The following STK32B variants were observed in gnomAD, a reference collection of about 807,000 sequenced individuals.
The protein encoded by STK32B is serine/threonine-protein kinase 32B.
In STK32B, 43 loss-of-function variants were observed where a neutral mutation model predicts 52.6. The ratio of observed to expected loss-of-function variants is 0.82; its 90% CI spans 0.64 to 1.05. The LOEUF (loss-of-function observed/expected upper bound fraction) is 1.05, where lower values mean the gene tolerates loss of function less well. Ranked by LOEUF, STK32B falls within the 50% of genes least tolerant of loss-of-function variation. The pLI is 0.00. For missense variants in STK32B, 621 were observed against 534.6 expected, an observed-to-expected ratio of 1.16 and a Z score of -1.59; for synonymous variants, 238 against 204.3, an observed-to-expected ratio of 1.17 and a Z score of -1.41.
intron 3 of STK32B, among the ~76,000 whole-genome samples, chr4:5,205,771 G>A (rs1174208324): frequency 1.3e-5 from 2 of 151,812 alleles, no homozygotes; most frequent in Non-Finnish European, 1.5e-5. Flanking sequence ...CTGGGATTGG[G>A]CAATGCCCAT....
intron 1 of STK32B, among the ~76,000 whole-genome samples, chr4:5,068,300 G>A (rs1438950426): frequency 6.6e-6 from 1 of 152,084 alleles, no homozygotes; most frequent in Non-Finnish European, 1.5e-5. Flanking sequence ...CCCCGTCTGA[G>A]TCTCATGTTC....
chr4:5,497,216 C>G (rs756722492), intron 11 of STK32B, among the ~76,000 whole-genome samples: 1 of 152,222 alleles, frequency 6.6e-6, no homozygotes, highest in Admixed American at 6.5e-5. Flanking sequence ...AATATGTTGG[C>G]ATGCCTTTGA....
At chr4:5,185,011 C>T (rs984218872) in intron 3 of STK32B, among the ~76,000 whole-genome samples, 1 of 152,208 alleles carries the variant, frequency 6.6e-6, no homozygotes, top group South Asian at 2.1e-4. Context: ...TCCCTGTTTC[C>T]GTGTGACTAC....
At chr4:5,455,064 C>T (rs1716374805) in intron 7 of STK32B, among the ~76,000 whole-genome samples, 1 of 152,130 alleles carries the variant, frequency 6.6e-6, no homozygotes, top group Non-Finnish European at 1.5e-5. Flanking sequence ...GAAGGTGCCA[C>T]TCAGGAAAAA....
chr4:5,267,246 A>T (rs981700545), intron 3 of STK32B, among the ~76,000 whole-genome samples: 1 of 152,214 alleles, frequency 6.6e-6, no homozygotes. Context: ...TGTCCATTAT[A>T]GCTGAGTCAG....
chr4:5,240,045 A>G (rs1404359857), intron 3 of STK32B, among the ~76,000 whole-genome samples: 1 of 122,610 alleles, frequency 8.2e-6, no homozygotes, highest in Non-Finnish European at 1.6e-5. Context: ...TCCCCCCTTC[A>G]TTTCTCTTCT....
chr4:5,083,716 A>G (rs1712559124), intron 1 of STK32B, among the ~76,000 whole-genome samples: 1 of 151,738 alleles, frequency 6.6e-6, no homozygotes, highest in South Asian at 2.1e-4. Context: ...GCTTCCTTAG[A>G]TATAGACTGC....
rs538614300 is a variant in STK32B, at chr4:5,446,789, C to T, written c.666+13C>T. ...GCTGCGGGGCTGGGTAAGACAGGCA[C>T]CTGTGCGGTACACACGAGGGGCTGT... On this transcript the variant is annotated intron_variant, in intron 7 of 11. Coordinates refer to ENST00000282908, the MANE Select transcript of STK32B (RefSeq NM_018401.3). The T allele has an allele frequency of 1.2e-6, 2 of 1,613,354 alleles. No individual in the cohort carries two copies. Among genetic ancestry groups the T allele is most frequent in the Admixed American group, 1.7e-5 (1 of 60,004 alleles).
chr4:5,108,883 G>A (rs930155022), intron 1 of STK32B, among the ~76,000 whole-genome samples: 1 of 152,172 alleles, frequency 6.6e-6, no homozygotes, highest in African/African-American at 2.4e-5. Context: ...AATTAGGGAA[G>A]AATAGTTACG....
chr4:5,206,374 C>T (rs1722578568), intron 3 of STK32B, among the ~76,000 whole-genome samples: 2 of 152,150 alleles, frequency 1.3e-5, no homozygotes, highest in Admixed American at 6.5e-5. Flanking sequence ...TTTAAATATC[C>T]TCCACTGTTT....
At position 5,470,512 on chromosome 4, in the gene STK32B, C is replaced by T. The variant is rs1010007117; in HGVS notation, c.1106+2442C>T. 2.0e-5 allele frequency among the ~76,000 whole-genome samples: 3 copies of T among 152,122 alleles called. No individual in the cohort carries two copies. The highest frequency in any genetic ancestry group is 1.3e-4 in the Admixed American group (2 of 15,270). ...TCTGCTTACCTAAGTGCTTCCTCTG[C>T]GGCCCTGATGGCTGATAGGCTTCCT... On this transcript the variant is annotated intron_variant, in intron 11 of 11. Transcript: ENST00000282908. The surrounding 1 kb of genome is among the most constrained non-coding windows in gnomAD (Gnocchi z 4.6).
At chr4:5,288,268 G>A (rs1728674938) in intron 3 of STK32B, among the ~76,000 whole-genome samples, 1 of 152,170 alleles carries the variant, frequency 6.6e-6, no homozygotes. Flanking sequence ...GAGTGGAAGT[G>A]AAGGATGGCA....
At chr4:5,034,193 T>C in the STK32B span, among the ~76,000 whole-genome samples, 9 of 152,368 alleles carry the variant, frequency 5.9e-5, no homozygotes, top group African/African-American at 2.2e-4. Context: ...CTTATTCATT[T>C]GTTCAGCAGA....
chr4:5,178,206 G>T (rs1000979365), intron 3 of STK32B, among the ~76,000 whole-genome samples: 4 of 152,234 alleles, frequency 2.6e-5, no homozygotes, highest in South Asian at 2.1e-4. Flanking sequence ...ACAAACCTCA[G>T]TTCTTGATTT....
At chr4:5,497,714 A>G (rs1577069567) in intron 11 of STK32B, among the ~76,000 whole-genome samples, 1 of 152,142 alleles carries the variant, frequency 6.6e-6, no homozygotes, top group Non-Finnish European at 1.5e-5. Context: ...CTGTGCGCAC[A>G]CACACACACT....
chr4:5,239,510 C>T (rs1028706293), intron 3 of STK32B, among the ~76,000 whole-genome samples: 2 of 152,042 alleles, frequency 1.3e-5, no homozygotes, highest in East Asian at 1.9e-4. Context: ...AGGTAATGGG[C>T]TCTGGCTCTC....
chr4:5,174,591 G>T (rs996904855), intron 3 of STK32B, among the ~76,000 whole-genome samples: 1 of 152,124 alleles, frequency 6.6e-6, no homozygotes, highest in Admixed American at 6.5e-5. Context: ...GAAATTCTGG[G>T]TTGAAAATTC....
At chr4:5,352,827 A>G (rs1006710072) in intron 4 of STK32B, among the ~76,000 whole-genome samples, 9 of 152,130 alleles carry the variant, frequency 5.9e-5, no homozygotes, top group African/African-American at 2.2e-4. Flanking sequence ...TAAAATGACC[A>G]TACTACCCAA....
chr4:5,498,825 C>CAGGT (rs1430085298), intron 11 of STK32B, 120 bp from the exon 12 acceptor site: 7 of 1,379,526 alleles, frequency 5.1e-6, no homozygotes, highest in African/African-American at 1.5e-5. Context: ...TCAATCTTCC[C>CAGGT]AGGTAGGGGA....
Sources: gnomAD v4.1 joint callset for allele counts (sites outside exome capture counted in the v4.1 genomes callset) on GRCh38, gnomAD v4.1.1 for gene constraint, Gnocchi (gnomAD v3.1) non-coding constraint, MANE v1.5 for transcripts, NCBI Gene and HGNC (gene_info 2026-07-23, HGNC 2026-07-21) for gene names.